Variants in FOXP1 observed in about 807,000 individuals in gnomAD.
FOXP1 encodes forkhead box P1.
FOXP1 carries 15 observed loss-of-function variants against 98.2 expected under a neutral mutation model. The observed-to-expected ratio is 0.15, with a 90% CI of 0.10 to 0.24. FOXP1 has a LOEUF of 0.24. Ranked by LOEUF, FOXP1 falls within the 10% of genes least tolerant of loss-of-function variation. FOXP1 has a pLI of 1.00. For synonymous variants in FOXP1, 371 were observed against 314.5 expected, an observed-to-expected ratio of 1.18 and a Z score of -1.90; for missense variants, 633 against 848.5, an observed-to-expected ratio of 0.75 and a Z score of 3.15.
intron 3 of FOXP1, among the ~76,000 whole-genome samples, chr3:71,381,455 T>G (rs1277604223): frequency 1.4e-5 from 2 of 147,270 alleles, no homozygotes; most frequent in Admixed American, 1.3e-4. Flanking sequence ...TTTTTTTTTT[T>G]TTTTTGAGAC....
In FOXP1 at chr3:71,033,605, A is replaced by C. The variant is rs9810657; in HGVS notation, c.869+7723T>G. Among the ~76,000 whole-genome samples, 60 of 95,724 alleles carry C rather than the reference A, an allele frequency of 6.3e-4. 1 individual carries two copies. The African/African-American group carries it at 8.3e-3, about 13-fold the overall frequency. The allele number at this position is 95,724 out of a possible 152,430, so 62.8% of individuals were successfully genotyped here. ...ATCACCCCACAAAGTGAACAGTCAAAAAAAAAAAAAAAAAAAAAAAAACAA... is the reference window on the plus strand; with the variant it reads ...ATCACCCCACAAAGTGAACAGTCAACAAAAAAAAAAAAAAAAAAAAAACAA... On this transcript the variant is annotated intron_variant, in intron 11 of 20. Coordinates refer to ENST00000649528, the MANE Select transcript of FOXP1 (RefSeq NM_001349338.3).
At chr3:71,265,291 A>G (rs1464538594) in intron 5 of FOXP1, among the ~76,000 whole-genome samples, 1 of 152,170 alleles carries the variant, frequency 6.6e-6, no homozygotes, top group African/African-American at 2.4e-5. Context: ...AAGAGAAATC[A>G]CCCAGGAGAC....
chr3:71,210,937 A>C (rs1286674883), intron 5 of FOXP1: 1 of 152,180 alleles, frequency 6.6e-6, no homozygotes, highest in African/African-American at 2.4e-5. Context: ...CCAGAATATT[A>C]GTAAAGGATT....
chr3:71,240,768 A>G (rs2067204531), intron 5 of FOXP1, among the ~76,000 whole-genome samples: 4 of 151,016 alleles, frequency 2.6e-5, no homozygotes, highest in South Asian at 4.3e-4. Flanking sequence ...GATGGTCTCG[A>G]TCTCCTGACC....
At chr3:71,147,981 C>G (rs2060391929) in intron 6 of FOXP1, among the ~76,000 whole-genome samples, 1 of 152,160 alleles carries the variant, frequency 6.6e-6, no homozygotes, top group Non-Finnish European at 1.5e-5. Context: ...ATTTGCGTGT[C>G]AGAACCTAGA....
intron 2 of FOXP1, among the ~76,000 whole-genome samples, chr3:71,553,729 T>C (rs1480694233): frequency 1.3e-5 from 2 of 152,214 alleles, no homozygotes; most frequent in East Asian, 3.8e-4. Flanking sequence ...TTTAATAACA[T>C]CAATGGAACA....
At chr3:71,414,518 G>A (rs1448999906) in intron 3 of FOXP1, among the ~76,000 whole-genome samples, 10 of 152,238 alleles carry the variant, frequency 6.6e-5, no homozygotes, top group East Asian at 1.9e-4. Flanking sequence ...CTGCCAATTC[G>A]AGGACTTACT....
In FOXP1 at chr3:71,479,355, T is replaced by C. The variant is rs181957711; in HGVS notation, c.-168+14071A>G. Among the ~76,000 whole-genome samples the C allele has an allele frequency of 2.0e-5, 3 of 152,278 alleles. No homozygotes were observed. The East Asian group carries it at 5.8e-4, about 29-fold the overall frequency. ...GAACAGTCACTGTTTCGTTTCCAAA[T>C]GATGGAGATAGGTTTGTCAAAAAGA... is the stretch of plus-strand genomic sequence containing the variant. On this transcript the variant is annotated intron_variant, in intron 3 of 20. Coordinates refer to ENST00000649528, the MANE Select transcript of FOXP1 (RefSeq NM_001349338.3).
At chr3:71,235,931 G>A (rs1168604789) in intron 5 of FOXP1, among the ~76,000 whole-genome samples, 3 of 152,190 alleles carry the variant, frequency 2.0e-5, no homozygotes, top group Admixed American at 2.0e-4. Flanking sequence ...ACTAGGTAAA[G>A]AACATATATT....
chr3:71,159,987 T>A (rs532484709), intron 6 of FOXP1, among the ~76,000 whole-genome samples: 1 of 152,248 alleles, frequency 6.6e-6, no homozygotes, highest in South Asian at 2.1e-4. Context: ...TGTGCTAAAT[T>A]CAAGCTGAAC....
chr3:71,009,344 T>C (rs1410208611), intron 12 of FOXP1, among the ~76,000 whole-genome samples: 1 of 152,052 alleles, frequency 6.6e-6, no homozygotes, highest in Non-Finnish European at 1.5e-5. Flanking sequence ...GACACAGCCA[T>C]ACTCGTTCCT....
chr3:71,103,413 T>C (rs560968186), intron 7 of FOXP1, among the ~76,000 whole-genome samples: 1 of 151,752 alleles, frequency 6.6e-6, no homozygotes, highest in African/African-American at 2.4e-5. Context: ...TAGAAGTGTA[T>C]TTCTCTAAGC....
At chr3:71,375,860 T>C (rs1423650841) in intron 3 of FOXP1, among the ~76,000 whole-genome samples, 1 of 152,190 alleles carries the variant, frequency 6.6e-6, no homozygotes, top group Non-Finnish European at 1.5e-5. Context: ...CATTATATGG[T>C]GTCACTGGAG....
At chr3:71,457,075 C>T (rs1168235791) in intron 3 of FOXP1, among the ~76,000 whole-genome samples, 1 of 151,910 alleles carries the variant, frequency 6.6e-6, no homozygotes, top group Non-Finnish European at 1.5e-5. Flanking sequence ...TCACACATCT[C>T]TGCCATGTTC....
chr3:71,069,622 T>C (rs1205495038), intron 7 of FOXP1, among the ~76,000 whole-genome samples: 1 of 152,112 alleles, frequency 6.6e-6, no homozygotes, highest in Non-Finnish European at 1.5e-5. Context: ...CCTTCAGATA[T>C]CGGGGGGAAA....
intron 2 of FOXP1, among the ~76,000 whole-genome samples, chr3:71,575,842 G>A (rs2047681592): frequency 1.3e-5 from 2 of 152,216 alleles, no homozygotes; most frequent in Non-Finnish European, 2.9e-5. Flanking sequence ...GTCACATTAT[G>A]ACTCAATTGC....
At chr3:71,018,781 G>GT (rs2044924912) in intron 11 of FOXP1, among the ~76,000 whole-genome samples, 1 of 152,160 alleles carries the variant, frequency 6.6e-6, no homozygotes, top group Non-Finnish European at 1.5e-5. Flanking sequence ...GAGTAGCAGG[G>GT]AAACTCAGTT....
intron 2 of FOXP1, among the ~76,000 whole-genome samples, chr3:71,519,270 T>G (rs1041911708): frequency 2.0e-5 from 3 of 152,006 alleles, no homozygotes; most frequent in African/African-American, 7.2e-5. Flanking sequence ...AAATAAATAA[T>G]AAAATAATGT....
At chr3:71,260,274 C>T (rs952995595) in intron 5 of FOXP1, among the ~76,000 whole-genome samples, 9 of 152,252 alleles carry the variant, frequency 5.9e-5, no homozygotes, top group East Asian at 3.9e-4. Flanking sequence ...TGAGCCACCG[C>T]GCCCGGCCAA....
Sources: allele counts gnomAD v4.1 joint callset (sites outside exome capture counted in the v4.1 genomes callset), GRCh38; gene constraint gnomAD v4.1.1; transcripts MANE v1.5; gene names NCBI Gene and HGNC (gene_info 2026-07-23, HGNC 2026-07-21).